The following SPATA7 variants were observed in gnomAD, a reference collection of about 807,000 sequenced individuals.
SPATA7 encodes spermatogenesis associated 7.
In SPATA7, 43 loss-of-function variants were observed where a neutral mutation model predicts 51.8. That is an observed-to-expected ratio of 0.83 (90% CI 0.65 to 1.07). The LOEUF is 1.07. Ranked by LOEUF, SPATA7 falls within the 50% of genes least tolerant of loss-of-function variation. The pLI is 0.00. For synonymous variants in SPATA7, 230 were observed against 252.8 expected, an observed-to-expected ratio of 0.91 and a Z score of 0.86; for missense variants, 683 against 701.3, an observed-to-expected ratio of 0.97 and a Z score of 0.30.
At chr14:88,398,833 A>G (rs1458203011) in intron 4 of SPATA7, among the ~76,000 whole-genome samples, 3 of 151,896 alleles carry the variant, frequency 2.0e-5, no homozygotes, top group Non-Finnish European at 4.4e-5. Context: ...CGGGCGGATC[A>G]CGAGGTCAGG....
chr14:88,417,253 T>C (rs1316222269), intron 5 of SPATA7, among the ~76,000 whole-genome samples: 4 of 151,604 alleles, frequency 2.6e-5, no homozygotes, highest in Non-Finnish European at 5.9e-5. Flanking sequence ...CTTTTTTGCA[T>C]CTCTTGGAAT....
chr14:88,391,397 C>G lies in SPATA7; in HGVS notation c.36C>G (p.Val12=), dbSNP rs770383492. The change falls in exon 2 of 12, where the codon GTC becomes GTG. Residue 12 remains valine (V), a synonymous_variant. Coordinates refer to ENST00000393545, the MANE Select transcript of SPATA7 (RefSeq NM_018418.5). ...TGTTAAAAGTCAGAGCAACCTCTGT[C>G]CTTCCCAGATATGGTCCACCGTGCC... is the stretch of plus-strand genomic sequence containing the variant. The part of the protein sequence containing the change: ...DGSRRVRATS[V]LPRYGPPCLF... The G allele has an allele frequency of 1.9e-6, 3 of 1,613,050 alleles. No individual in the cohort carries two copies. Among genetic ancestry groups the G allele is most frequent in the Admixed American group, 1.7e-5 (1 of 59,958 alleles).
Position 88,385,767 on chromosome 14 carries a change from AGGACCGAAG to A in SPATA7, c.-49_-41del. 6.4e-7 allele frequency: 1 copy of A among 1,561,412 alleles called. No homozygotes were observed. The highest frequency in any genetic ancestry group is 8.8e-7 in the Non-Finnish European group (1 of 1,141,292). ...GCCGGGGCTGGGCCCGGCCGCGGGA[AGGACCGAAG>A]GGGATACAGCGTGTCCCTGCGGCGG... On this transcript the variant is annotated 5_prime_UTR_variant, in exon 1 of 12. Transcript: ENST00000393545.
intron 4 of SPATA7, among the ~76,000 whole-genome samples, chr14:88,460,402 T>C (rs2140060635): frequency 6.6e-6 from 1 of 152,344 alleles, no homozygotes; most frequent in African/African-American, 2.4e-5. Context: ...GAGGCTTTGT[T>C]CATTTCCTTT....
At chr14:88,392,139 G>C (rs984557151) in intron 2 of SPATA7, among the ~76,000 whole-genome samples, 2 of 151,926 alleles carry the variant, frequency 1.3e-5, no homozygotes, top group Admixed American at 1.3e-4. Flanking sequence ...TATGATTGTG[G>C]CTATGTATGT....
intron 3 of SPATA7, among the ~76,000 whole-genome samples, chr14:88,450,761 A>T (rs948674462): frequency 6.6e-6 from 1 of 152,182 alleles, no homozygotes; most frequent in Non-Finnish European, 1.5e-5. Flanking sequence ...AGATAACCTG[A>T]TGACTATGTG....
intron 8 of SPATA7, among the ~76,000 whole-genome samples, chr14:88,430,309 C>A (rs1204065147): frequency 6.6e-6 from 1 of 152,038 alleles, no homozygotes; most frequent in Non-Finnish European, 1.5e-5. Flanking sequence ...TTGTTAACTA[C>A]CCTGTCTTTG....
rs1041333614 is a variant in SPATA7, at chr14:88,396,197, A to G, written c.232A>G (p.Ile78Val). 1 of 1,608,800 alleles carries G rather than the reference A, an allele frequency of 6.2e-7. No homozygotes were observed. ...CSVPVSVSTSIKYADQQRREK... is the reference protein window; with the variant it reads ...CSVPVSVSTSVKYADQQRREK... ...GGTTCCAGTAAGCGTGAGTACCAGC[A>G]TAAAGTGTAAGTAATTTTTGGACAT... The change falls in exon 4 of 12, where the codon ATA becomes GTA. Residue 78 changes from isoleucine (I) to valine (V), a missense_variant. Coordinates refer to ENST00000393545, the MANE Select transcript of SPATA7 (RefSeq NM_018418.5).
At chr14:88,440,153 C>G (rs574078660), downstream of SPATA7, among the ~76,000 whole-genome samples, 2 of 152,284 alleles carry the variant, frequency 1.3e-5, no homozygotes, top group Admixed American at 1.3e-4. Flanking sequence ...TACCCCAGAC[C>G]TACTGGCCTG....
At chr14:88,410,286 A>C (rs1479561279) in intron 4 of SPATA7, among the ~76,000 whole-genome samples, 1 of 152,186 alleles carries the variant, frequency 6.6e-6, no homozygotes, top group Non-Finnish European at 1.5e-5. Context: ...TATTGGGTGC[A>C]TATGTATTTA....
At chr14:88,463,738 G>T (rs1027543256) in intron 4 of SPATA7, among the ~76,000 whole-genome samples, 4 of 152,132 alleles carry the variant, frequency 2.6e-5, no homozygotes, top group Non-Finnish European at 5.9e-5. Flanking sequence ...AGAAAACTAT[G>T]CCACCACTTT....
chr14:88,414,664 C>A, intron 4 of SPATA7: 1 of 405,602 alleles, frequency 2.5e-6, no homozygotes, highest in Admixed American at 3.0e-5. Flanking sequence ...TTTCTGTCTT[C>A]TTGATGTAGG....
chr14:88,387,176 A>G (rs1478275253), intron 1 of SPATA7, among the ~76,000 whole-genome samples: 1 of 152,320 alleles, frequency 6.6e-6, no homozygotes, highest in East Asian at 1.9e-4. Flanking sequence ...AAGCCAATGC[A>G]TTTACTTACT....
intron 4 of SPATA7, chr14:88,468,161 G>A (rs375176690): frequency 1.9e-5 from 30 of 1,613,798 alleles, no homozygotes; most frequent in South Asian, 1.2e-4. Flanking sequence ...AGCTTTTCAG[G>A]AACTGGATGA....
At chr14:88,452,484 G>T (rs946124809) in intron 3 of SPATA7, among the ~76,000 whole-genome samples, 1 of 152,054 alleles carries the variant, frequency 6.6e-6, no homozygotes, top group Admixed American at 6.5e-5. Context: ...GGGCCATAGA[G>T]CTCCCAAGAG....
chr14:88,391,084 CTA>C (rs2075731439), intron 1 of SPATA7, among the ~76,000 whole-genome samples: 1 of 152,150 alleles, frequency 6.6e-6, no homozygotes, highest in African/African-American at 2.4e-5. Flanking sequence ...TCTAGACTTT[CTA>C]TGTGTCCTCC....
At chr14:88,451,094 G>A (rs764171957) in intron 3 of SPATA7, among the ~76,000 whole-genome samples, 3 of 152,150 alleles carry the variant, frequency 2.0e-5, no homozygotes, top group Admixed American at 6.5e-5. Flanking sequence ...TTCTATTGCT[G>A]AGACCTTCCA....
chr14:88,390,356 T>C (rs2075708248), intron 1 of SPATA7, among the ~76,000 whole-genome samples: 1 of 151,860 alleles, frequency 6.6e-6, no homozygotes, highest in Non-Finnish European at 1.5e-5. Flanking sequence ...AAGAAATCGC[T>C]TTCTATCTTG....
intron 3 of SPATA7, among the ~76,000 whole-genome samples, chr14:88,454,745 C>G (rs2077273401): frequency 6.6e-6 from 1 of 151,974 alleles, no homozygotes; most frequent in African/African-American, 2.4e-5. Flanking sequence ...GAGATGGAAG[C>G]TGCAGTGAGT....
Sources: gnomAD v4.1 joint callset for allele counts (sites outside exome capture counted in the v4.1 genomes callset) on GRCh38, gnomAD v4.1.1 for gene constraint, MANE v1.5 for transcripts, NCBI Gene and HGNC (gene_info 2026-07-23, HGNC 2026-07-21) for gene names.